TGFBRAP1: variants seen among roughly 807,000 people sequenced by gnomAD.
TGFBRAP1 encodes the protein transforming growth factor beta receptor associated protein 1, also known as transforming growth factor-beta receptor-associated protein 1.
Under a neutral mutation model 83.2 loss-of-function variants are expected in TGFBRAP1, and 20 were observed. The observed-to-expected ratio is 0.24, with a 90% CI of 0.17 to 0.35. The LOEUF (loss-of-function observed/expected upper bound fraction) is 0.35. TGFBRAP1 is among the 10% of genes least tolerant of loss of function. The pLI, the probability that TGFBRAP1 is intolerant of heterozygous loss-of-function variation, is 1.00. For missense variants in TGFBRAP1, 950 were observed against 1,099.4 expected (o/e 0.86, Z 1.92); for synonymous variants, 415 against 459.8 (o/e 0.90, Z 1.25).
chr2:105,316,612 C>T (rs1678889966), intron 1 of TGFBRAP1, among the ~76,000 whole-genome samples: 1 of 151,692 alleles, frequency 6.6e-6, no homozygotes, highest in Admixed American at 6.6e-5. Context: ...GTCAGGAGTT[C>T]GAGACCAGCC....
At position 105,298,692 on chromosome 2, in the gene TGFBRAP1, T is replaced by C; in HGVS notation, c.702A>G (p.Thr234=). ...AGPGGLGMFA[T]VAGISQRAPV... ...GGGCGCGCTGGGATATCCCTGCGAC[T>C]GTGGCAAACATGCCTAGAAGTAAGA... The change falls in exon 3 of 12, where the codon ACA becomes ACG. Residue 234 remains threonine (T), a synonymous_variant. Coordinates refer to ENST00000393359, the MANE Select transcript of TGFBRAP1 (RefSeq NM_004257.6). 6.3e-7 allele frequency: 1 copy of C among 1,576,092 alleles called. No homozygotes were observed. The highest frequency in any genetic ancestry group is 8.6e-7 in the Non-Finnish European group (1 of 1,156,998).
rs71393002 is a variant in TGFBRAP1 at position 105,316,420 on chromosome 2, AGTGTGTGTGTGT to A, written c.-17-8114_-17-8103del. 1.2e-3 allele frequency among the ~76,000 whole-genome samples: 132 copies of A among 109,130 alleles called. 1 individual carries two copies. The highest frequency in any genetic ancestry group is 3.1e-3 in the African/African-American group (85 of 27,708). 71.6% of individuals were successfully genotyped at this position (109,130 alleles called of 152,430 possible). On this transcript the variant is annotated intron_variant, in intron 1 of 11. Coordinates refer to ENST00000393359, the MANE Select transcript of TGFBRAP1 (RefSeq NM_004257.6). ...AATACAAACTCTTACAGGTATAGGG[AGTGTGTGTGTGT>A]GTGTGTGTGTGTGTGTGTGTGTGTG...
At position 105,322,018 on chromosome 2, in the gene TGFBRAP1, G is replaced by A. The variant is rs914144839; in HGVS notation, c.-18+7607C>T. On this transcript the variant is annotated intron_variant, in intron 1 of 11. Coordinates refer to ENST00000393359, the MANE Select transcript of TGFBRAP1 (RefSeq NM_004257.6). ...CAGGAGGACTCCAGAAGAAGAAATT[G>A]TTATCACAGACAACAGCTCCACACA... Among the ~76,000 whole-genome samples, 6 of 152,156 alleles carry A rather than the reference G, an allele frequency of 3.9e-5. No homozygotes were observed. In the East Asian group the frequency reaches 1.2e-3, roughly 29 times the overall value.
At chr2:105,293,886 G>GACCAT (rs1378805315) in intron 4 of TGFBRAP1, among the ~76,000 whole-genome samples, 22 of 152,286 alleles carry the variant, frequency 1.4e-4, no homozygotes, top group Middle Eastern at 6.8e-3. Context: ...GCTGAGGGGT[G>GACCAT]ACATGATAAA....
intron 9 of TGFBRAP1, 112 bp downstream of exon 9, chr2:105,273,432 G>T: frequency 1.4e-6 from 2 of 1,431,744 alleles, no homozygotes; most frequent in Non-Finnish European, 1.9e-6. Context: ...CAACAAGTAC[G>T]GATGGATCAC....
intron 4 of TGFBRAP1, among the ~76,000 whole-genome samples, chr2:105,292,643 AG>A (rs140565898): frequency 6.6e-5 from 10 of 151,844 alleles, no homozygotes; most frequent in Non-Finnish European, 1.5e-4. Flanking sequence ...GAAAGGTGGG[AG>A]GGGGAGAGGG....
At position 105,269,545 on chromosome 2, in the gene TGFBRAP1, G is replaced by T; in HGVS notation, c.2133C>A (p.His711Gln). The change falls in exon 11 of 12, where the codon CAC becomes CAA. Residue 711 changes from histidine to glutamine, a missense_variant. Coordinates refer to ENST00000393359, the MANE Select transcript of TGFBRAP1 (RefSeq NM_004257.6). This position sits in a 1 kb window ranked among gnomAD's most constrained non-coding sequence, Gnocchi z 4.1. ...LWCSEGRDPP[H>Q]RQQLFHTLLA... Reference sequence around the variant, plus strand: ...GCAGCGTGTGAAAGAGTTGCTGGCGGTGGGGTGGGTCTCGGCCCTCGGAGC... The same window carrying T: ...GCAGCGTGTGAAAGAGTTGCTGGCGTTGGGGTGGGTCTCGGCCCTCGGAGC... The T allele has an allele frequency of 2.5e-6, 4 of 1,612,078 alleles. No homozygotes were observed. In the African/African-American group the frequency reaches 5.3e-5, roughly 21 times the overall value.
At chr2:105,280,790 G>T in intron 5 of TGFBRAP1, 67 bp from the exon 6 acceptor site, 2 of 1,503,874 alleles carry the variant, frequency 1.3e-6, no homozygotes, top group East Asian at 4.9e-5. Context: ...ACACAAAACA[G>T]CACTGGAGGG....
At chr2:105,296,896 T>A (rs1375161047) in intron 3 of TGFBRAP1, among the ~76,000 whole-genome samples, 2 of 151,990 alleles carry the variant, frequency 1.3e-5, no homozygotes, top group African/African-American at 2.4e-5. Flanking sequence ...ACAACATTTT[T>A]AAAACATTCT....
chr2:105,301,515 A>G (rs1322187842), intron 2 of TGFBRAP1, among the ~76,000 whole-genome samples: 2 of 151,646 alleles, frequency 1.3e-5, no homozygotes, highest in African/African-American at 2.4e-5. Flanking sequence ...TGAACCCGGG[A>G]GGTGGAGGTT....
chr2:105,280,984 A>T (rs150120452), intron 5 of TGFBRAP1, among the ~76,000 whole-genome samples: 1 of 152,160 alleles, frequency 6.6e-6, no homozygotes, highest in Non-Finnish European at 1.5e-5. Context: ...TGAGAGTGGA[A>T]CACCAAAATG....
At chr2:105,292,643 A>AG (rs140565898) in intron 4 of TGFBRAP1, among the ~76,000 whole-genome samples, 1 of 151,844 alleles carries the variant, frequency 6.6e-6, no homozygotes, top group South Asian at 2.1e-4. Flanking sequence ...GAAAGGTGGG[A>AG]GGGGGAGAGG....
At chr2:105,326,085 T>C (rs1031915964) in intron 1 of TGFBRAP1, among the ~76,000 whole-genome samples, 1 of 152,216 alleles carries the variant, frequency 6.6e-6, no homozygotes, top group African/African-American at 2.4e-5. Context: ...CTTAATATTA[T>C]CATGATGTAT....
At chr2:105,292,297 T>C (rs752976070) in intron 4 of TGFBRAP1, among the ~76,000 whole-genome samples, 2 of 152,116 alleles carry the variant, frequency 1.3e-5, no homozygotes, top group Non-Finnish European at 2.9e-5. Flanking sequence ...AATGAGAGAT[T>C]ATACAAAAAA....
intron 7 of TGFBRAP1, 85 bp from the exon 8 acceptor site, chr2:105,275,788 G>T: frequency 7.2e-7 from 1 of 1,382,912 alleles, no homozygotes; most frequent in Non-Finnish European, 9.7e-7. Context: ...TTGAGAAATG[G>T]CATATGTTTA....
At chr2:105,305,033 C>T (rs969619696) in intron 2 of TGFBRAP1, among the ~76,000 whole-genome samples, 2 of 152,108 alleles carry the variant, frequency 1.3e-5, no homozygotes, top group Non-Finnish European at 1.5e-5. Flanking sequence ...TTACACATAA[C>T]ACATTTGTCG....
At chr2:105,254,307 C>A in the TGFBRAP1 span, among the ~76,000 whole-genome samples, 4 of 152,114 alleles carry the variant, frequency 2.6e-5, no homozygotes, top group Admixed American at 2.0e-4. Context: ...TTCTCATCAG[C>A]CACCCCTGGC....
Position 105,280,812 on chromosome 2 carries a change from G to A in TGFBRAP1, c.1122-89C>T, listed in dbSNP as rs112933663. ...ACAGCACTGGAGGGGAGCGCACGGT[G>A]GCACACGTTCACAGGGGGCTGGGGA... On this transcript the variant is annotated intron_variant, in intron 5 of 11. Coordinates refer to ENST00000393359, the MANE Select transcript of TGFBRAP1 (RefSeq NM_004257.6). The A allele has an allele frequency of 2.0e-4, 275 of 1,370,464 alleles. 1 individual carries two copies. The African/African-American group carries it at 3.4e-3, about 17-fold the overall frequency. The allele number at this position is 1,370,464 out of a possible 1,614,324, so 84.9% of individuals were successfully genotyped here. A position where few individuals can be genotyped will look rare whatever the true frequency, so the allele number is the denominator to read the frequency against.
intron 3 of TGFBRAP1, among the ~76,000 whole-genome samples, chr2:105,297,531 A>G (rs987727305): frequency 3.9e-5 from 6 of 152,224 alleles, no homozygotes; most frequent in East Asian, 1.9e-4. Context: ...ATAAGCATCT[A>G]TAAGACAGCA....
Sources: allele counts gnomAD v4.1 joint callset (sites outside exome capture counted in the v4.1 genomes callset), GRCh38; gene constraint gnomAD v4.1.1; non-coding constraint Gnocchi (gnomAD v3.1); transcripts MANE v1.5; gene names NCBI Gene and HGNC (gene_info 2026-07-23, HGNC 2026-07-21).